The following JAM3 variants were observed in gnomAD, a reference collection of about 807,000 sequenced individuals.
JAM3 encodes the protein junctional adhesion molecule 3, also known as junctional adhesion molecule C.
JAM3 carries 31 observed loss-of-function variants against 39.4 expected under a neutral mutation model. The observed-to-expected ratio is 0.79, with a 90% CI of 0.59 to 1.06. The LOEUF (loss-of-function observed/expected upper bound fraction) is 1.06, where lower values mean the gene tolerates loss of function less well. Ranked by LOEUF, JAM3 falls within the 50% of genes least tolerant of loss-of-function variation. JAM3 has a pLI of 0.00. For missense variants in JAM3, 455 were observed against 391.4 expected, an observed-to-expected ratio of 1.16 and a Z score of -1.37; for synonymous variants, 182 against 148.7, an observed-to-expected ratio of 1.22 and a Z score of -1.63.
chr11:134,147,475 AAAACGATTGCAAGTTTACTTTTTGT>A (rs1374812003), intron 6 of JAM3, among the ~76,000 whole-genome samples: 16 of 145,820 alleles, frequency 1.1e-4, no homozygotes, highest in Non-Finnish European at 1.7e-4. Flanking sequence ...AAAAAAAAAA[AAAACGATTGCAAGTTTACTTTTTGT>A]TTTTGAGATG....
rs1391958963 is a variant in JAM3 at position 134,139,545 on chromosome 11, T to TATGTAGAGACTTG, written c.77-306_77-305insATGTAGAGACTTG. ...GCCCGGGCAGGTCTGGGAGGAGAGGTGTCGAAGGGTCAATAGGAAATGCTT... is the reference window on the plus strand; with the variant it reads ...GCCCGGGCAGGTCTGGGAGGAGAGGTATGTAGAGACTTGGTCGAAGGGTCAATAGGAAATGCTT... On this transcript the variant is annotated intron_variant, in intron 1 of 8. Coordinates refer to ENST00000299106, the MANE Select transcript of JAM3 (RefSeq NM_032801.5). 2.0e-3 allele frequency: 760 copies of TATGTAGAGACTTG among 374,158 alleles called. 17 individuals carry two copies. The East Asian group carries it at 0.042, about 21-fold the overall frequency. 23.2% of individuals were successfully genotyped at this position (374,158 alleles called of 1,614,324 possible). A position where few individuals can be genotyped will look rare whatever the true frequency, so the allele number is the denominator to read the frequency against.
At chr11:134,134,416 A>AAAAAAAC (rs1565501238) in intron 1 of JAM3, among the ~76,000 whole-genome samples, 3 of 150,976 alleles carry the variant, frequency 2.0e-5, no homozygotes, top group African/African-American at 4.9e-5. Context: ...AAAAAAAAAA[A>AAAAAAAC]AAAAAACATC....
At chr11:134,132,784 A>C (rs114523001) in intron 1 of JAM3, among the ~76,000 whole-genome samples, 1,557 of 152,264 alleles carry the variant, frequency 0.01, 23 homozygotes, top group African/African-American at 0.035. Flanking sequence ...AACTCACGAG[A>C]ATGTCTGGGG....
Position 134,149,524 on chromosome 11 carries a change from G to C in JAM3, c.*343G>C, listed in dbSNP as rs759557198. On this transcript the variant is annotated 3_prime_UTR_variant, in exon 9 of 9. Coordinates refer to ENST00000299106, the MANE Select transcript of JAM3 (RefSeq NM_032801.5). The stretch of plus-strand genomic sequence containing the variant: ...AAACGCCCGTGCTGGGCCCTGTGAA[G>C]CCAGCATGTTCACCACTGGTCGTTC... 1 of 507,024 alleles carries C rather than the reference G, an allele frequency of 2.0e-6. No individual in the cohort carries two copies. Among genetic ancestry groups the C allele is most frequent in the Non-Finnish European group, 3.8e-6 (1 of 263,056 alleles). 31.4% of individuals were successfully genotyped at this position (507,024 alleles called of 1,614,324 possible).
chr11:134,127,264 G>A (rs1355786524), intron 1 of JAM3, among the ~76,000 whole-genome samples: 1 of 152,210 alleles, frequency 6.6e-6, no homozygotes, highest in Non-Finnish European at 1.5e-5. Context: ...GATACCACTT[G>A]CTCTGACTGT....
intron 5 of JAM3, chr11:134,145,375 C>T (rs186639003): frequency 1.1e-4 from 39 of 363,668 alleles, no homozygotes; most frequent in African/African-American, 4.2e-4. Context: ...ATTGTGGTTA[C>T]GATTTTTTAC....
intron 1 of JAM3, among the ~76,000 whole-genome samples, chr11:134,086,900 G>A (rs1027619982): frequency 6.6e-6 from 1 of 152,072 alleles, no homozygotes; most frequent in Non-Finnish European, 1.5e-5. Flanking sequence ...AACTCCTGGG[G>A]TTCAAGCAAT....
intron 2 of JAM3, among the ~76,000 whole-genome samples, 179 bp downstream of exon 2, chr11:134,140,095 C>T (rs764199558): frequency 4.6e-5 from 7 of 152,222 alleles, no homozygotes; most frequent in African/African-American, 7.2e-5. Context: ...GAGCCCTGTG[C>T]AGTTTTCCAT....
At chr11:134,139,326 T>C (rs1942930278) in intron 1 of JAM3, among the ~76,000 whole-genome samples, 2 of 152,234 alleles carry the variant, frequency 1.3e-5, no homozygotes. Context: ...CTTCGTGGAC[T>C]GGAACCACCG....
intron 1 of JAM3, among the ~76,000 whole-genome samples, chr11:134,089,758 G>A (rs957715422): frequency 2.5e-4 from 38 of 152,102 alleles, no homozygotes; most frequent in Admixed American, 9.8e-4. Context: ...GAATAGTGTC[G>A]CAGTAAACAT....
At position 134,128,636 on chromosome 11, in the gene JAM3, A is replaced by C. The variant is rs181780144; in HGVS notation, c.77-11215A>C. Among the ~76,000 whole-genome samples, 9 of 152,148 alleles carry C rather than the reference A, an allele frequency of 5.9e-5. No individual in the cohort carries two copies. The South Asian group carries it at 1.7e-3, about 28-fold the overall frequency. ...CCCCCTTATTCGCTCACTCGTGTGC[A>C]TGTGTGCTCTGTCTCTCTCCTCCTT... On this transcript the variant is annotated intron_variant, in intron 1 of 8. Transcript: ENST00000299106.
At chr11:134,096,782 T>C (rs2120665293) in intron 1 of JAM3, among the ~76,000 whole-genome samples, 1 of 152,356 alleles carries the variant, frequency 6.6e-6, no homozygotes, top group Middle Eastern at 3.4e-3. Context: ...ACGATTGGAT[T>C]CTTCTTTCCT....
At chr11:134,069,329 C>G (rs769698185) in intron 1 of JAM3, among the ~76,000 whole-genome samples, 170 bp downstream of exon 1, 1 of 152,132 alleles carries the variant, frequency 6.6e-6, no homozygotes, top group Non-Finnish European at 1.5e-5. Flanking sequence ...GCAGCCAGGG[C>G]TGGGACTCGG....
chr11:134,109,660 A>C (rs1942273611), intron 1 of JAM3, among the ~76,000 whole-genome samples: 3 of 152,190 alleles, frequency 2.0e-5, no homozygotes, highest in Admixed American at 2.0e-4. Flanking sequence ...TTTTTCAAAA[A>C]TGATTTTGAG....
chr11:134,104,688 A>G (rs1307799672), intron 1 of JAM3, among the ~76,000 whole-genome samples: 1 of 152,204 alleles, frequency 6.6e-6, no homozygotes. Flanking sequence ...CACCGATCCT[A>G]CAGAAATACA....
intron 1 of JAM3, among the ~76,000 whole-genome samples, chr11:134,095,047 T>C (rs1482394454): frequency 6.6e-6 from 1 of 152,204 alleles, no homozygotes; most frequent in East Asian, 1.9e-4. Flanking sequence ...TAATATTGGG[T>C]TCTTTTCTTC....
At chr11:134,124,945 C>T (rs906305117) in intron 1 of JAM3, among the ~76,000 whole-genome samples, 2 of 152,212 alleles carry the variant, frequency 1.3e-5, no homozygotes, top group Non-Finnish European at 2.9e-5. Flanking sequence ...GTGGCAGGAG[C>T]GAGGAGGCGC....
chr11:134,132,807 A>T (rs1367685720), intron 1 of JAM3, among the ~76,000 whole-genome samples: 6 of 152,148 alleles, frequency 3.9e-5, no homozygotes, highest in Non-Finnish European at 7.3e-5. Flanking sequence ...GCCTGCTAAG[A>T]CTGGGCCCCA....
chr11:134,128,543 C>T (rs949778019), intron 1 of JAM3, among the ~76,000 whole-genome samples: 1 of 152,080 alleles, frequency 6.6e-6, no homozygotes, highest in Non-Finnish European at 1.5e-5. Flanking sequence ...GAGTTGGCTT[C>T]CCCCCATGCT....
Sources: allele counts gnomAD v4.1 joint callset (sites outside exome capture counted in the v4.1 genomes callset), GRCh38; gene constraint gnomAD v4.1.1; transcripts MANE v1.5; gene names NCBI Gene and HGNC (gene_info 2026-07-23, HGNC 2026-07-21).